The following PRDM5 variants were observed in gnomAD, a reference collection of about 807,000 sequenced individuals.
PRDM5 encodes the protein PR/SET domain 5.
PRDM5 carries 56 observed loss-of-function variants against 81.2 expected under a neutral mutation model. That is an observed-to-expected ratio of 0.69 (90% CI 0.56 to 0.86). PRDM5 has a LOEUF of 0.86. Ranked by LOEUF, PRDM5 falls within the 40% of genes least tolerant of loss-of-function variation. The probability of loss-of-function intolerance (pLI) is 0.00; values close to 1 mark genes in which losing one functional copy is unlikely to be tolerated. For synonymous variants in PRDM5, 267 were observed against 256.4 expected, an observed-to-expected ratio of 1.04 and a Z score of -0.39; for missense variants, 697 against 770.1, an observed-to-expected ratio of 0.91 and a Z score of 1.12.
intron 3 of PRDM5, among the ~76,000 whole-genome samples, chr4:120,851,313 G>A (rs1759237656): frequency 6.6e-6 from 1 of 151,846 alleles, no homozygotes; most frequent in Non-Finnish European, 1.5e-5. Context: ...GGCTCTATAG[G>A]CAATTTTAAT....
chr4:120,813,307 A>G (rs1754088036), intron 7 of PRDM5, among the ~76,000 whole-genome samples: 1 of 152,204 alleles, frequency 6.6e-6, no homozygotes, highest in South Asian at 2.1e-4. Context: ...CAAATATACA[A>G]AAAGTAAGCA....
rs561374615 is a variant in PRDM5, at chr4:120,782,813, C to A, written c.1283-1510G>T. On this transcript the variant is annotated intron_variant, in intron 11 of 15. Coordinates refer to ENST00000264808, the MANE Select transcript of PRDM5 (RefSeq NM_018699.4). ...AATCGATTCAGGTACTGAAAGAGAT[C>A]TTTTTAAAAAAACCTCTAAGATTGT... Among the ~76,000 whole-genome samples, 75 of 152,122 alleles carry A rather than the reference C, an allele frequency of 4.9e-4. 1 individual carries two copies. Among genetic ancestry groups the A allele is most frequent in the Non-Finnish European group, 2.5e-4 (17 of 67,936 alleles).
chr4:120,916,187 G>C (rs1301749257), intron 1 of PRDM5, among the ~76,000 whole-genome samples: 1 of 152,000 alleles, frequency 6.6e-6, no homozygotes, highest in African/African-American at 2.4e-5. Context: ...TCAGGAGTTC[G>C]AGATCAGCCT....
chr4:120,787,543 T>C (rs1252460350), intron 10 of PRDM5, among the ~76,000 whole-genome samples: 3 of 152,110 alleles, frequency 2.0e-5, no homozygotes, highest in Admixed American at 1.3e-4. Context: ...AGGAGAGAGA[T>C]AATTAGAGCT....
At chr4:120,722,007 C>G (rs976415603) in intron 14 of PRDM5, among the ~76,000 whole-genome samples, 4 of 152,172 alleles carry the variant, frequency 2.6e-5, no homozygotes, top group Non-Finnish European at 5.9e-5. Flanking sequence ...AGCCAGGACA[C>G]GTTCGGCTTG....
At chr4:120,861,540 G>A (rs1340717383) in intron 2 of PRDM5, among the ~76,000 whole-genome samples, 1 of 152,106 alleles carries the variant, frequency 6.6e-6, no homozygotes, top group African/African-American at 2.4e-5. Flanking sequence ...GCTCACACCT[G>A]TAATCTCAGC....
At chr4:120,909,718 G>C (rs1187993013) in intron 1 of PRDM5, among the ~76,000 whole-genome samples, 1 of 151,854 alleles carries the variant, frequency 6.6e-6, no homozygotes, top group African/African-American at 2.4e-5. Flanking sequence ...CGGGGGGTGG[G>C]GGGTGCGGGG....
intron 14 of PRDM5, among the ~76,000 whole-genome samples, chr4:120,720,700 T>G (rs1166254205): frequency 6.6e-6 from 1 of 152,230 alleles, no homozygotes; most frequent in African/African-American, 2.4e-5. Flanking sequence ...TGGCTTTTTA[T>G]TCACCGTCTT....
chr4:120,836,675 T>C (rs78489243), intron 3 of PRDM5, among the ~76,000 whole-genome samples: 30,417 of 152,148 alleles, frequency 0.2, 3,698 homozygotes, highest in Non-Finnish European at 0.28. Flanking sequence ...TAGATAAAAA[T>C]TGATTATTAT....
At chr4:120,757,891 TC>T (rs781434300) in intron 13 of PRDM5, among the ~76,000 whole-genome samples, 94 of 127,556 alleles carry the variant, frequency 7.4e-4, no homozygotes, top group Non-Finnish European at 1.1e-3. Flanking sequence ...TTCTCCTTCT[TC>T]TTCTTCTTCT....
intron 7 of PRDM5, among the ~76,000 whole-genome samples, 172 bp from the exon 8 acceptor site, chr4:120,811,621 T>A (rs1168165712): frequency 1.3e-5 from 2 of 152,112 alleles, no homozygotes; most frequent in South Asian, 2.1e-4. Context: ...TAAATCTTTT[T>A]AATTATTTTT....
At chr4:120,697,992 T>C (rs1374357492) in intron 15 of PRDM5, among the ~76,000 whole-genome samples, 1 of 152,052 alleles carries the variant, frequency 6.6e-6, no homozygotes, top group East Asian at 1.9e-4. Flanking sequence ...AATAGATTAA[T>C]ATTAATATTA....
intron 3 of PRDM5, among the ~76,000 whole-genome samples, chr4:120,847,336 A>G (rs866450508): frequency 7.0e-4 from 106 of 151,320 alleles, no homozygotes; most frequent in African/African-American, 2.5e-3. Flanking sequence ...TCTCTCTCTC[A>G]CTCATTTTTG....
At position 120,830,285 on chromosome 4, in the gene PRDM5, G is replaced by A. The variant is rs546584595; in HGVS notation, c.301-8940C>T. Reference sequence around the variant, plus strand: ...TTTGGCCGGGTGACTTGCACTAACCGATGAAATGTGAACAGAAGCAAAGTG... The same window carrying A: ...TTTGGCCGGGTGACTTGCACTAACCAATGAAATGTGAACAGAAGCAAAGTG... On this transcript the variant is annotated intron_variant, in intron 3 of 15. Coordinates refer to ENST00000264808, the MANE Select transcript of PRDM5 (RefSeq NM_018699.4). Among the ~76,000 whole-genome samples the A allele has an allele frequency of 2.0e-5, 3 of 152,126 alleles. No individual in the cohort carries two copies. The East Asian group carries it at 5.8e-4, about 29-fold the overall frequency.
At chr4:120,840,849 C>T (rs729934) in intron 3 of PRDM5, among the ~76,000 whole-genome samples, 30,149 of 152,122 alleles carry the variant, frequency 0.2, 3,656 homozygotes, top group Non-Finnish European at 0.28. Context: ...AGCGGCCACT[C>T]GAGACAGCCC....
intron 14 of PRDM5, among the ~76,000 whole-genome samples, chr4:120,722,546 C>T (rs1167902779): frequency 1.3e-5 from 2 of 151,966 alleles, no homozygotes; most frequent in Admixed American, 6.6e-5. Flanking sequence ...TGTTATCACC[C>T]GAAGAGCTTC....
chr4:120,687,803 C>A (rs564958071), downstream of PRDM5, among the ~76,000 whole-genome samples: 3 of 152,214 alleles, frequency 2.0e-5, no homozygotes, highest in African/African-American at 7.2e-5. Flanking sequence ...AGGATGAGTT[C>A]AATCCCCTTT....
intron 2 of PRDM5, among the ~76,000 whole-genome samples, chr4:120,863,733 A>G (rs1425619502): frequency 6.6e-6 from 1 of 152,238 alleles, no homozygotes; most frequent in East Asian, 1.9e-4. Flanking sequence ...GAGTAATTAT[A>G]AGAAATTATT....
At position 120,738,633 on chromosome 4, in the gene PRDM5, A is replaced by T. The variant is rs577670512; in HGVS notation, c.1623+15920T>A. Among the ~76,000 whole-genome samples, 10 of 152,316 alleles carry T rather than the reference A, an allele frequency of 6.6e-5. No individual in the cohort carries two copies. In the East Asian group the frequency reaches 1.9e-3, roughly 29 times the overall value. Reference sequence around the variant, plus strand: ...TGAATTGTAAGATGTGTATTTTCCAAAAACAAAATACAACTCCCATTGGTA... The same window carrying T: ...TGAATTGTAAGATGTGTATTTTCCATAAACAAAATACAACTCCCATTGGTA... On this transcript the variant is annotated intron_variant, in intron 14 of 15. Coordinates refer to ENST00000264808, the MANE Select transcript of PRDM5 (RefSeq NM_018699.4).
Sources: allele counts gnomAD v4.1 joint callset (sites outside exome capture counted in the v4.1 genomes callset), GRCh38; gene constraint gnomAD v4.1.1; transcripts MANE v1.5; gene names NCBI Gene and HGNC (gene_info 2026-07-23, HGNC 2026-07-21).